Variants in ZFHX3 observed in about 807,000 individuals in gnomAD.
The protein encoded by ZFHX3 is zinc finger homeobox 3.
In ZFHX3, 42 loss-of-function variants were observed where a neutral mutation model predicts 279.1. The observed-to-expected ratio is 0.15, with a 90% CI of 0.12 to 0.19. The LOEUF is 0.19. ZFHX3 is among the 10% of genes least tolerant of loss of function. The pLI is 1.00. For synonymous variants in ZFHX3, 2,293 were observed against 1,957.8 expected, an observed-to-expected ratio of 1.17 and a Z score of -4.52; for missense variants, 4,981 against 4,754.0, an observed-to-expected ratio of 1.05 and a Z score of -1.40.
At chr16:73,787,194 A>G (rs887278654) in intron 1 of ZFHX3, among the ~76,000 whole-genome samples, 3 of 152,164 alleles carry the variant, frequency 2.0e-5, no homozygotes, top group Non-Finnish European at 4.4e-5. Context: ...TTTTTGGCAA[A>G]GCATTTCCAT....
chr16:73,866,169 ATTTTTT>A (rs34324522), intron 1 of ZFHX3, among the ~76,000 whole-genome samples: 4 of 74,624 alleles, frequency 5.4e-5, no homozygotes, highest in South Asian at 5.1e-4. Flanking sequence ...TGCCAGGCTA[ATTTTTT>A]TTTTTTTTTT....
At chr16:73,675,419 A>T (rs2052944639) in intron 2 of ZFHX3, among the ~76,000 whole-genome samples, 1 of 152,168 alleles carries the variant, frequency 6.6e-6, no homozygotes, top group Non-Finnish European at 1.5e-5. Context: ...GGTTTATCTT[A>T]CATTCATTCA....
chr16:73,666,584 G>A (rs573217970), intron 2 of ZFHX3, among the ~76,000 whole-genome samples: 1 of 151,914 alleles, frequency 6.6e-6, no homozygotes, highest in Non-Finnish European at 1.5e-5. Flanking sequence ...GTGAATCTCA[G>A]ACTGCTGGAC....
At chr16:72,829,190 T>A (rs1597284733) in intron 5 of ZFHX3, among the ~76,000 whole-genome samples, 1 of 150,962 alleles carries the variant, frequency 6.6e-6, no homozygotes, top group East Asian at 2.0e-4. Context: ...TTTTTTGAAT[T>A]TTAGTAGAGA....
At chr16:73,099,941 T>G (rs1966211207) in intron 7 of ZFHX3, among the ~76,000 whole-genome samples, 1 of 152,126 alleles carries the variant, frequency 6.6e-6, no homozygotes, top group African/African-American at 2.4e-5. Flanking sequence ...ATCCCTTTCC[T>G]GGGAACCTTG....
chr16:73,698,735 G>A (rs1011384940), intron 1 of ZFHX3, among the ~76,000 whole-genome samples: 9 of 152,168 alleles, frequency 5.9e-5, no homozygotes, highest in African/African-American at 1.9e-4. Context: ...GTTAAGGCCT[G>A]AGGAAATGTC....
chr16:73,227,848 CAAA>C (rs398029895), intron 5 of ZFHX3, among the ~76,000 whole-genome samples: 9 of 46,064 alleles, frequency 2.0e-4, no homozygotes, highest in African/African-American at 6.3e-4. Context: ...GATTCTGTCT[CAAA>C]AAAAAAAAAA....
intron 1 of ZFHX3, among the ~76,000 whole-genome samples, chr16:73,834,645 C>T (rs898599552): frequency 2.6e-5 from 4 of 152,228 alleles, no homozygotes; most frequent in Non-Finnish European, 5.9e-5. Context: ...GTAATCCCAG[C>T]ATTTTGGGAG....
intron 2 of ZFHX3, among the ~76,000 whole-genome samples, chr16:73,524,974 CG>C: frequency 6.6e-6 from 1 of 152,244 alleles, no homozygotes; most frequent in South Asian, 2.1e-4. Context: ...AACATGGTCA[CG>C]TAAGAAGGAC....
chr16:73,621,303 TG>T (rs528260976), intron 2 of ZFHX3, among the ~76,000 whole-genome samples: 282 of 152,330 alleles, frequency 1.9e-3, no homozygotes, highest in Middle Eastern at 3.4e-3. Flanking sequence ...GATAAAATGC[TG>T]TTGGATAAAG....
chr16:73,874,772 T>C (rs749215643), intron 1 of ZFHX3, among the ~76,000 whole-genome samples: 10 of 152,204 alleles, frequency 6.6e-5, no homozygotes, highest in African/African-American at 9.6e-5. Context: ...AATTCACATA[T>C]TATCCTGCCT....
At chr16:73,298,500 G>C (rs997197857) in intron 4 of ZFHX3, among the ~76,000 whole-genome samples, 2 of 133,980 alleles carry the variant, frequency 1.5e-5, no homozygotes, top group Admixed American at 7.6e-5. Context: ...TGTTGTCGTC[G>C]TTTTTTTTTT....
chr16:73,508,205 G>T (rs2019361423), intron 2 of ZFHX3, among the ~76,000 whole-genome samples: 1 of 152,152 alleles, frequency 6.6e-6, no homozygotes, highest in African/African-American at 2.4e-5. Context: ...TCTGTGAAAG[G>T]GGTGAGATGA....
intron 1 of ZFHX3, among the ~76,000 whole-genome samples, chr16:73,751,286 G>A (rs2142270162): frequency 6.6e-6 from 1 of 152,284 alleles, no homozygotes; most frequent in East Asian, 1.9e-4. Context: ...ATTTGGCACT[G>A]AGTACAATGT....
At chr16:73,276,799 T>A (rs371800695) in intron 4 of ZFHX3, among the ~76,000 whole-genome samples, 2 of 152,194 alleles carry the variant, frequency 1.3e-5, no homozygotes, top group African/African-American at 4.8e-5. Context: ...TTTCCATGAA[T>A]GTGGGAAATA....
intron 4 of ZFHX3, among the ~76,000 whole-genome samples, chr16:72,839,513 G>A (rs906870109): frequency 1.3e-5 from 2 of 152,046 alleles, no homozygotes; most frequent in African/African-American, 2.4e-5. Context: ...CCCCCATCTC[G>A]TTAAAAACAA....
intron 3 of ZFHX3, among the ~76,000 whole-genome samples, chr16:73,371,355 G>T (rs375105019): frequency 1.2e-4 from 18 of 151,876 alleles, no homozygotes; most frequent in African/African-American, 4.1e-4. Context: ...ATATGCAAAG[G>T]TTCTTAAGGT....
At chr16:72,971,660 C>T (rs1962109402) in intron 1 of ZFHX3, among the ~76,000 whole-genome samples, 1 of 151,992 alleles carries the variant, frequency 6.6e-6, no homozygotes, top group Non-Finnish European at 1.5e-5. Flanking sequence ...CCAAACTGTC[C>T]CCCAGGAAAG....
intron 2 of ZFHX3, among the ~76,000 whole-genome samples, chr16:73,498,753 C>G (rs7202943): frequency 0.27 from 40,580 of 152,000 alleles, 6,258 homozygotes; most frequent in African/African-American, 0.43. Context: ...TCATCTGAGC[C>G]GGGAGCTCTC....
Sources: gnomAD v4.1 joint callset for allele counts (sites outside exome capture counted in the v4.1 genomes callset) on GRCh38, gnomAD v4.1.1 for gene constraint, MANE v1.5 for transcripts, NCBI Gene and HGNC (gene_info 2026-07-23, HGNC 2026-07-21) for gene names.